The following FOXN3 variants were observed in gnomAD, a reference collection of about 807,000 sequenced individuals.
FOXN3 encodes forkhead box protein N3.
In FOXN3, 7 loss-of-function variants were observed where a neutral mutation model predicts 38.4. The ratio of observed to expected loss-of-function variants is 0.18; its 90% CI spans 0.10 to 0.34. The LOEUF (loss-of-function observed/expected upper bound fraction) is 0.34. FOXN3 is among the 10% of genes least tolerant of loss of function. The pLI, the probability that FOXN3 is intolerant of heterozygous loss-of-function variation, is 1.00. For synonymous variants in FOXN3, 230 were observed against 242.2 expected (o/e 0.95, Z 0.47); for missense variants, 456 against 613.4 (o/e 0.74, Z 2.71).
chr14:89,205,863 G>A (rs1888370182), intron 4 of FOXN3, among the ~76,000 whole-genome samples: 1 of 152,234 alleles, frequency 6.6e-6, no homozygotes, highest in Admixed American at 6.5e-5. Flanking sequence ...CTCCCCTTAG[G>A]GGTTTGAGCA....
chr14:89,293,526 C>T (rs1412658976), intron 3 of FOXN3, among the ~76,000 whole-genome samples: 2 of 152,280 alleles, frequency 1.3e-5, no homozygotes, highest in Non-Finnish European at 1.5e-5. Context: ...CATTGCCCTG[C>T]CTTCATCTTT....
rs1467348542 is a variant in FOXN3 at position 89,162,994 on chromosome 14, G to A, written c.852-25C>T. 24 of 1,516,236 alleles carry A rather than the reference G, an allele frequency of 1.6e-5. No individual in the cohort carries two copies. Among genetic ancestry groups the A allele is most frequent in the African/African-American group, 6.9e-5 (5 of 72,266 alleles). The allele number at this position is 1,516,236 out of a possible 1,614,324, so 93.9% of individuals were successfully genotyped here. ...CCTGCAGAGCGAGGACAGTGGGGAGGGACGGGAGACAAAGAAGGGACACAG... is the reference window on the plus strand; with the variant it reads ...CCTGCAGAGCGAGGACAGTGGGGAGAGACGGGAGACAAAGAAGGGACACAG... On this transcript the variant is annotated intron_variant, in intron 5 of 5. Coordinates refer to ENST00000557258, the MANE Select transcript of FOXN3 (RefSeq NM_005197.4). The surrounding 1 kb of genome is among the most constrained non-coding windows in gnomAD (Gnocchi z 7.2).
chr14:89,524,501 A>AG (rs1418893059), intron 1 of FOXN3, among the ~76,000 whole-genome samples: 3 of 124,028 alleles, frequency 2.4e-5, no homozygotes, highest in Admixed American at 7.5e-5. Flanking sequence ...AAACAAAATT[A>AG]GGGAAAAAAA....
chr14:89,228,288 G>A (rs1444408077), intron 4 of FOXN3, among the ~76,000 whole-genome samples: 1 of 152,172 alleles, frequency 6.6e-6, no homozygotes, highest in African/African-American at 2.4e-5. Context: ...TGATTTTAGG[G>A]ATTTGTCAGA....
At chr14:89,257,829 C>T (rs987942931) in intron 4 of FOXN3, among the ~76,000 whole-genome samples, 1 of 152,086 alleles carries the variant, frequency 6.6e-6, no homozygotes, top group Non-Finnish European at 1.5e-5. Context: ...GCTTGGTCCT[C>T]GATGTCCCGT....
At chr14:89,542,855 A>G (rs1894818508) in intron 1 of FOXN3, among the ~76,000 whole-genome samples, 1 of 152,186 alleles carries the variant, frequency 6.6e-6, no homozygotes, top group South Asian at 2.1e-4. Context: ...TTAAAATTGC[A>G]TTTCAGCAGT....
upstream of FOXN3, among the ~76,000 whole-genome samples, chr14:89,421,090 T>C (rs1051355207): frequency 2.0e-5 from 3 of 151,702 alleles, no homozygotes; most frequent in Non-Finnish European, 2.9e-5. Flanking sequence ...GTTAGAGTTA[T>C]GGGATACTTC....
At chr14:89,555,517 T>C (rs1895098774) in intron 1 of FOXN3, among the ~76,000 whole-genome samples, 1 of 152,184 alleles carries the variant, frequency 6.6e-6, no homozygotes, top group Admixed American at 6.5e-5. Context: ...CATCTTGTCA[T>C]ATGCTTAAGA....
At position 89,337,860 on chromosome 14, in the gene FOXN3, C is replaced by T. The variant is rs1387590089; in HGVS notation, c.680+12812G>A. Among the ~76,000 whole-genome samples the T allele has an allele frequency of 2.0e-5, 3 of 152,096 alleles. No homozygotes were observed. The East Asian group carries it at 5.8e-4, about 29-fold the overall frequency. On this transcript the variant is annotated intron_variant, in intron 3 of 5. Transcript: ENST00000557258. ...GGCCAGGCTGGTCTTGAACTCCTGA[C>T]CTCAGGTGATCTGCCTGCCTCAGCC...
At chr14:89,431,425 G>A (rs1397367579) in intron 1 of FOXN3, among the ~76,000 whole-genome samples, 5 of 151,998 alleles carry the variant, frequency 3.3e-5, no homozygotes, top group Non-Finnish European at 5.9e-5. Flanking sequence ...TGGCCAGGCC[G>A]GTCTTGAACT....
At chr14:89,417,927 C>T (rs1454054820), upstream of FOXN3, 3 of 337,688 alleles carry the variant, frequency 8.9e-6, no homozygotes, top group South Asian at 2.2e-5. Flanking sequence ...TGCGGAACGC[C>T]CCGGCCGGCC....
chr14:89,567,913 G>A (rs1452807996), intron 1 of FOXN3, among the ~76,000 whole-genome samples: 2 of 151,786 alleles, frequency 1.3e-5, no homozygotes, highest in East Asian at 1.9e-4. Flanking sequence ...TAGTAGAGAC[G>A]GGGTTTCACC....
intron 4 of FOXN3, among the ~76,000 whole-genome samples, chr14:89,237,405 T>C (rs910371635): frequency 6.6e-6 from 1 of 152,238 alleles, no homozygotes; most frequent in Admixed American, 6.5e-5. Flanking sequence ...ATGGTACAGA[T>C]ACTCTGGAAA....
At chr14:89,273,839 AG>A (rs1432311844) in intron 4 of FOXN3, among the ~76,000 whole-genome samples, 1 of 152,250 alleles carries the variant, frequency 6.6e-6, no homozygotes, top group Non-Finnish European at 1.5e-5. Context: ...CCAAGAATAA[AG>A]GGCCCCTCCT....
chr14:89,176,819 C>A (rs1430777373), intron 5 of FOXN3, among the ~76,000 whole-genome samples: 1 of 152,172 alleles, frequency 6.6e-6, no homozygotes, highest in African/African-American at 2.4e-5. Context: ...ATCTCAGTGT[C>A]TACTACCTGC....
Position 89,293,398 on chromosome 14 carries a change from A to C in FOXN3, c.681-12384T>G, listed in dbSNP as rs377140172. ...TCCTCCTCTCACAGTCCTGGAGGGC[A>C]GAAGTCCAAGATCAAGGGGTCACAG... On this transcript the variant is annotated intron_variant, in intron 3 of 5. Coordinates refer to ENST00000557258, the MANE Select transcript of FOXN3 (RefSeq NM_005197.4). Among the ~76,000 whole-genome samples the C allele has an allele frequency of 1.2e-4, 18 of 152,230 alleles. No homozygotes were observed. In the East Asian group the frequency reaches 1.5e-3, roughly 13 times the overall value.
At chr14:89,605,405 A>C (rs1257767603) in intron 1 of FOXN3, among the ~76,000 whole-genome samples, 1 of 152,160 alleles carries the variant, frequency 6.6e-6, no homozygotes, top group Admixed American at 6.5e-5. Context: ...CATATAGAGA[A>C]TAAAACTTCC....
intron 1 of FOXN3, among the ~76,000 whole-genome samples, chr14:89,462,468 A>G (rs1367149139): frequency 1.3e-5 from 2 of 152,340 alleles, no homozygotes; most frequent in Middle Eastern, 3.4e-3. Flanking sequence ...TGTTGCTTAT[A>G]ACAGAATCCC....
intron 4 of FOXN3, among the ~76,000 whole-genome samples, chr14:89,242,109 C>CCACAAGCCAAATATGGT (rs1226983466): frequency 3.9e-5 from 6 of 152,166 alleles, no homozygotes; most frequent in Non-Finnish European, 8.8e-5. Flanking sequence ...GGCTTGAATG[C>CCACAAGCCAAATATGGT]CACAAGGTGA....
Sources: allele counts gnomAD v4.1 joint callset (sites outside exome capture counted in the v4.1 genomes callset), GRCh38; gene constraint gnomAD v4.1.1; non-coding constraint Gnocchi (gnomAD v3.1); transcripts MANE v1.5; gene names NCBI Gene and HGNC (gene_info 2026-07-23, HGNC 2026-07-21).